The following MRPL21 variants were observed in gnomAD, a reference collection of about 807,000 sequenced individuals.
MRPL21 encodes the protein large ribosomal subunit protein bL21m.
In MRPL21, 20 loss-of-function variants were observed where a neutral mutation model predicts 27.3. The ratio of observed to expected loss-of-function variants is 0.73; its 90% CI spans 0.52 to 1.06. The LOEUF is 1.06. Ranked by LOEUF, MRPL21 falls within the 50% of genes least tolerant of loss-of-function variation. The pLI is 0.00. For synonymous variants in MRPL21, 98 were observed against 101.5 expected (o/e 0.97, Z 0.21); for missense variants, 249 against 251.4 (o/e 0.99, Z 0.06).
In MRPL21 at chr11:68,903,617, G is replaced by A. The variant is rs1287570965; in HGVS notation, c.88+106C>T. 6.8e-6 allele frequency: 8 copies of A among 1,181,426 alleles called. No individual in the cohort carries two copies. The African/African-American group carries it at 7.6e-5, about 11-fold the overall frequency. The allele number at this position is 1,181,426 out of a possible 1,614,324, so 73.2% of individuals were successfully genotyped here. ...CCCGTGCTATATTCACCACAAATGC[G>A]ATCAACACACAAGGCACCAGGTCGG... On this transcript the variant is annotated intron_variant, in intron 1 of 6. Transcript: ENST00000362034.
chr11:68,898,272 A>T lies in MRPL21; in HGVS notation c.147-260T>A, dbSNP rs2154005861. On this transcript the variant is annotated intron_variant, in intron 2 of 6. Coordinates refer to ENST00000362034, the MANE Select transcript of MRPL21 (RefSeq NM_181514.2). Reference sequence around the variant, plus strand: ...TCTGCAAAAGAGCCCTCACTTGGGTACTTCTCAGTGCTGGAAGGGTGCCCA... The same window carrying T: ...TCTGCAAAAGAGCCCTCACTTGGGTTCTTCTCAGTGCTGGAAGGGTGCCCA... Among the ~76,000 whole-genome samples the T allele has an allele frequency of 2.6e-5, 4 of 152,318 alleles. No homozygotes were observed. The South Asian group carries it at 8.3e-4, about 32-fold the overall frequency.
chr11:68,903,554 G>T (rs1432691601), intron 1 of MRPL21, among the ~76,000 whole-genome samples, 169 bp downstream of exon 1: 1 of 152,218 alleles, frequency 6.6e-6, no homozygotes, highest in Non-Finnish European at 1.5e-5. Context: ...CTAACTGAAG[G>T]AATCAAAATC....
At chr11:68,895,310 C>T (rs1857761229) in intron 4 of MRPL21, among the ~76,000 whole-genome samples, 4 of 152,036 alleles carry the variant, frequency 2.6e-5, no homozygotes, top group Admixed American at 6.6e-5. Context: ...CAAATAGACG[C>T]CCCCAGCAAA....
At chr11:68,894,447 A>T (rs899223400) in intron 4 of MRPL21, among the ~76,000 whole-genome samples, 1 of 151,856 alleles carries the variant, frequency 6.6e-6, no homozygotes, top group Non-Finnish European at 1.5e-5. Flanking sequence ...ACCCCGGCTA[A>T]TTTTTTTTGG....
At chr11:68,900,766 G>A (rs892052379) in intron 1 of MRPL21, among the ~76,000 whole-genome samples, 161 bp from the exon 2 acceptor site, 2 of 152,188 alleles carry the variant, frequency 1.3e-5, no homozygotes, top group Non-Finnish European at 2.9e-5. Context: ...CTACAAGAAC[G>A]TCACTTACAG....
intron 4 of MRPL21, 98 bp from the exon 5 acceptor site, chr11:68,893,553 GAA>G: frequency 7.0e-7 from 1 of 1,426,150 alleles, no homozygotes; most frequent in Non-Finnish European, 9.8e-7. Flanking sequence ...CACAAAATGA[GAA>G]AGACTGAAAA....
At position 68,891,315 on chromosome 11, in the gene MRPL21, A is replaced by G; in HGVS notation, c.*16T>C. 1 of 1,612,686 alleles carries G rather than the reference A, an allele frequency of 6.2e-7. No individual in the cohort carries two copies. The highest frequency in any genetic ancestry group is 8.5e-7 in the Non-Finnish European group (1 of 1,178,782). ...AGGAGTTTATTTTTATCCTTTTGTA[A>G]GTATTAACTCGGTAATCACAACAAA... On this transcript the variant is annotated 3_prime_UTR_variant, in exon 7 of 7. Transcript: ENST00000362034.
At chr11:68,900,808 C>A (rs1857916357) in intron 1 of MRPL21, among the ~76,000 whole-genome samples, 1 of 152,184 alleles carries the variant, frequency 6.6e-6, no homozygotes, top group African/African-American at 2.4e-5. Context: ...ATCAGTTAGC[C>A]ACATCATCTA....
At chr11:68,894,911 T>C (rs1393606172) in intron 4 of MRPL21, among the ~76,000 whole-genome samples, 1 of 152,220 alleles carries the variant, frequency 6.6e-6, no homozygotes, top group African/African-American at 2.4e-5. Flanking sequence ...ATGTAACTTA[T>C]ATTGATAATT....
At chr11:68,892,730 G>A in intron 6 of MRPL21, 160 bp downstream of exon 6, 1 of 1,535,182 alleles carries the variant, frequency 6.5e-7, no homozygotes, top group Non-Finnish European at 8.7e-7. Context: ...CCCTCTGGGT[G>A]CTCCCTCTAG....
intron 6 of MRPL21, 122 bp downstream of exon 6, chr11:68,892,768 G>A (rs887476191): frequency 6.5e-5 from 100 of 1,542,706 alleles, no homozygotes; most frequent in Non-Finnish European, 8.3e-5. Context: ...GGCAGTGGCA[G>A]CCAGGTTGAG....
At chr11:68,898,163 C>T in intron 2 of MRPL21, 151 bp from the exon 3 acceptor site, 1 of 662,510 alleles carries the variant, frequency 1.5e-6, no homozygotes, top group Admixed American at 2.4e-5. Flanking sequence ...TGGGGTAACC[C>T]CGAGGACAGG....
At position 68,900,593 on chromosome 11, in the gene MRPL21, G is replaced by T; in HGVS notation, c.101C>A (p.Ser34Tyr). The T allele has an allele frequency of 6.2e-7, 1 of 1,613,674 alleles. No homozygotes were observed. Among genetic ancestry groups the T allele is most frequent in the Non-Finnish European group, 8.5e-7 (1 of 1,179,610 alleles). The change falls in exon 2 of 7, where the codon TCT (serine) becomes TAT (tyrosine). Residue 34 changes from serine to tyrosine, a missense_variant. Coordinates refer to ENST00000362034, the MANE Select transcript of MRPL21 (RefSeq NM_181514.2). ...PSGPGAASLW[S>Y]ASRRFNSQST... Reference sequence around the variant, plus strand: ...CTGTGAATTGAACCTTCGAGAAGCAGACCAAAGGGAGGCTGAGGGAAGAAG... The same window carrying T: ...CTGTGAATTGAACCTTCGAGAAGCATACCAAAGGGAGGCTGAGGGAAGAAG...
At chr11:68,898,794 C>T (rs3885222) in intron 2 of MRPL21, among the ~76,000 whole-genome samples, 2,287 of 152,158 alleles carry the variant, frequency 0.015, 53 homozygotes, top group African/African-American at 0.052. Context: ...GCGGGCAATG[C>T]CTTTTTTTTT....
chr11:68,903,795 G>A lies in MRPL21; in HGVS notation c.16C>T (p.Leu6=), dbSNP rs752501316. Residue 6 remains leucine, a synonymous_variant, in exon 1 of 7, where the codon CTG becomes TTG. Transcript: ENST00000362034. ...GCCAGCCGCCCTAAGGTGACCGTCA[G>A]GGAAGATGCTGCCATGGCCGCAGCC... The part of the protein sequence containing the change: MAASS[L]TVTLGRLASA... 2.0e-6 allele frequency: 3 copies of A among 1,514,402 alleles called. No homozygotes were observed. Among genetic ancestry groups the A allele is most frequent in the Non-Finnish European group, 2.7e-6 (3 of 1,107,858 alleles). The allele number at this position is 1,514,402 out of a possible 1,614,324, so 93.8% of individuals were successfully genotyped here.
Position 68,903,822 on chromosome 11 carries a change from C to G in MRPL21, c.-12G>C, listed in dbSNP as rs772314431. ...GAAGATGCTGCCATGGCCGCAGCCT[C>G]GGCCGGAAACGGAAACGACGCGAAC... is the stretch of plus-strand genomic sequence containing the variant. On this transcript the variant is annotated 5_prime_UTR_variant, in exon 1 of 7. Coordinates refer to ENST00000362034, the MANE Select transcript of MRPL21 (RefSeq NM_181514.2). The G allele has an allele frequency of 9.7e-7, 1 of 1,027,658 alleles. No individual in the cohort carries two copies. Among genetic ancestry groups the G allele is most frequent in the Admixed American group, 1.9e-5 (1 of 51,396 alleles). 63.7% of individuals were successfully genotyped at this position (1,027,658 alleles called of 1,614,324 possible).
At chr11:68,898,814 G>T (rs1404258300) in intron 2 of MRPL21, among the ~76,000 whole-genome samples, 1 of 151,980 alleles carries the variant, frequency 6.6e-6, no homozygotes, top group African/African-American at 2.4e-5. Context: ...TTGAGACGGA[G>T]TCTCGCTCTG....
intron 3 of MRPL21, among the ~76,000 whole-genome samples, chr11:68,897,399 A>G (rs78710139): frequency 0.015 from 2,298 of 152,346 alleles, 51 homozygotes; most frequent in African/African-American, 0.053. Context: ...AACTCTTGGC[A>G]GACTTGTTTC....
chr11:68,896,353 C>T, intron 4 of MRPL21, 162 bp downstream of exon 4: 1 of 883,896 alleles, frequency 1.1e-6, no homozygotes, highest in Non-Finnish European at 1.8e-6. Context: ...GGACCCCAGC[C>T]CCGCCGTGGG....
Sources: allele counts gnomAD v4.1 joint callset (sites outside exome capture counted in the v4.1 genomes callset), GRCh38; gene constraint gnomAD v4.1.1; transcripts MANE v1.5; gene names NCBI Gene and HGNC (gene_info 2026-07-23, HGNC 2026-07-21).